PPP2R2B: variants seen among roughly 807,000 people sequenced by gnomAD.
PPP2R2B encodes the protein protein phosphatase 2 regulatory subunit Bbeta, also known as serine/threonine-protein phosphatase 2A 55 kDa regulatory subunit B beta isoform.
In PPP2R2B, 5 loss-of-function variants were observed where a neutral mutation model predicts 46.0. The observed-to-expected ratio is 0.11, with a 90% CI of 0.06 to 0.23. PPP2R2B has a LOEUF of 0.23. PPP2R2B is among the 10% of genes least tolerant of loss of function. The pLI is 1.00. For missense variants in PPP2R2B, 367 were observed against 575.0 expected (o/e 0.64, Z 3.70); for synonymous variants, 215 against 206.7 (o/e 1.04, Z -0.34).
At position 146,585,380 on chromosome 5, in the gene PPP2R2B, G is replaced by T. The variant is rs543692155; in HGVS notation, c.*4567C>A. On this transcript the variant is annotated 3_prime_UTR_variant, in exon 10 of 10. Coordinates refer to ENST00000394411, the MANE Select transcript of PPP2R2B (RefSeq NM_181675.4). ...TGTCACTTGTGAACTGTGTAAATTT[G>T]GTTGTCATTCATCTGTTTCTGTATC... The T allele has an allele frequency of 2.6e-5, 4 of 151,792 alleles. No individual in the cohort carries two copies. The South Asian group carries it at 8.3e-4, about 32-fold the overall frequency. The allele number at this position is 151,792 out of a possible 1,614,324, so 9.4% of individuals were successfully genotyped here. A position where few individuals can be genotyped will look rare whatever the true frequency, so the allele number is the denominator to read the frequency against.
rs745692719 is a variant in PPP2R2B at position 146,983,176 on chromosome 5, ATTTT to A, written c.79+72485_79+72488del. Among the ~76,000 whole-genome samples the A allele has an allele frequency of 2.0e-4, 16 of 80,874 alleles. No homozygotes were observed. In the East Asian group the frequency reaches 5.6e-3, roughly 28 times the overall value. The allele number at this position is 80,874 out of a possible 152,430, so 53.1% of individuals were successfully genotyped here. A position where few individuals can be genotyped will look rare whatever the true frequency, so the allele number is the denominator to read the frequency against. ...GTTTATCTATCGTGTTTTCCAGAGCATTTTTTTTTTTTTTTTTTTTTTGAGACGG... is the reference window on the plus strand; with the variant it reads ...GTTTATCTATCGTGTTTTCCAGAGCATTTTTTTTTTTTTTTTTTGAGACGG... On this transcript the variant is annotated intron_variant, in intron 1 of 8. Coordinates refer to the PPP2R2B transcript ENST00000336640.
At chr5:146,677,773 C>G (rs949221845) in intron 5 of PPP2R2B, among the ~76,000 whole-genome samples, 3 of 152,056 alleles carry the variant, frequency 2.0e-5, no homozygotes, top group Non-Finnish European at 4.4e-5. Flanking sequence ...AGCGATCCAC[C>G]CACCCCAGCC....
At chr5:147,034,178 C>G (rs988927543) in intron 1 of PPP2R2B, among the ~76,000 whole-genome samples, 2 of 152,072 alleles carry the variant, frequency 1.3e-5, no homozygotes, top group Non-Finnish European at 2.9e-5. Flanking sequence ...ACTTGCTTTT[C>G]CCTCTGTCTA....
chr5:146,926,176 G>A (rs1433721746), intron 1 of PPP2R2B, among the ~76,000 whole-genome samples: 4 of 151,748 alleles, frequency 2.6e-5, no homozygotes, highest in African/African-American at 9.7e-5. Flanking sequence ...CTTGAGTATG[G>A]GTAACACTTT....
intron 1 of PPP2R2B, among the ~76,000 whole-genome samples, chr5:146,970,452 C>T (rs959946396): frequency 1.3e-5 from 2 of 151,982 alleles, no homozygotes; most frequent in East Asian, 3.9e-4. Context: ...AAAAATTAGC[C>T]ATGCGTGGTG....
intron 2 of PPP2R2B, among the ~76,000 whole-genome samples, chr5:147,067,343 TC>T (rs1452021787): frequency 6.6e-6 from 1 of 152,140 alleles, no homozygotes; most frequent in Non-Finnish European, 1.5e-5. Context: ...CTAGTAATTA[TC>T]AGTCTACTCT....
intron 2 of PPP2R2B, among the ~76,000 whole-genome samples, chr5:146,790,796 T>A (rs1430700969): frequency 6.6e-6 from 1 of 152,224 alleles, no homozygotes; most frequent in African/African-American, 2.4e-5. Flanking sequence ...TATATTATGA[T>A]TGTCCACATT....
intron 2 of PPP2R2B, among the ~76,000 whole-genome samples, chr5:146,762,928 C>A (rs1754252570): frequency 6.6e-6 from 1 of 152,198 alleles, no homozygotes; most frequent in Non-Finnish European, 1.5e-5. Context: ...TCACCAACAT[C>A]TGACTACGGT....
At position 146,691,060 on chromosome 5, in the gene PPP2R2B, C is replaced by T. The variant is rs1778818246; in HGVS notation, c.447+68G>A. ...TTATAGTTGCAACCTACAGTAACAA[C>T]CAGCACATGGCCAACCTTAGGAGAC... On this transcript the variant is annotated intron_variant, in intron 5 of 9. Transcript: ENST00000394411. The T allele has an allele frequency of 2.1e-6, 3 of 1,397,042 alleles. No individual in the cohort carries two copies. In the Admixed American group the frequency reaches 5.4e-5, roughly 25 times the overall value. 86.5% of individuals were successfully genotyped at this position (1,397,042 alleles called of 1,614,324 possible).
intron 1 of PPP2R2B, among the ~76,000 whole-genome samples, chr5:146,886,837 A>G (rs541562511): frequency 6.6e-6 from 1 of 152,090 alleles, no homozygotes; most frequent in Non-Finnish European, 1.5e-5. Context: ...TAAAAAAAAA[A>G]AATAAGTATT....
At chr5:147,047,169 A>G (rs1756582763) in intron 1 of PPP2R2B, among the ~76,000 whole-genome samples, 1 of 152,076 alleles carries the variant, frequency 6.6e-6, no homozygotes, top group Non-Finnish European at 1.5e-5. Context: ...AGAGAGGGAT[A>G]GGGAGAGATT....
At chr5:146,954,445 G>A (rs1751779220) in intron 1 of PPP2R2B, among the ~76,000 whole-genome samples, 1 of 152,294 alleles carries the variant, frequency 6.6e-6, no homozygotes, top group Non-Finnish European at 1.5e-5. Flanking sequence ...TCACTCATAA[G>A]TGGGAGCTAA....
chr5:146,712,934 A>G (rs13354638), intron 2 of PPP2R2B, among the ~76,000 whole-genome samples: 1 of 152,242 alleles, frequency 6.6e-6, no homozygotes, highest in Non-Finnish European at 1.5e-5. Flanking sequence ...GTAAAGTACT[A>G]TTCCAGATAT....
At chr5:146,666,425 T>G (rs1581827682) in intron 5 of PPP2R2B, among the ~76,000 whole-genome samples, 1 of 152,338 alleles carries the variant, frequency 6.6e-6, no homozygotes, top group East Asian at 1.9e-4. Flanking sequence ...AGACATCATG[T>G]TTAATGTTTT....
intron 2 of PPP2R2B, among the ~76,000 whole-genome samples, chr5:146,804,145 T>C (rs1327331399): frequency 6.6e-6 from 1 of 151,574 alleles, no homozygotes; most frequent in African/African-American, 2.4e-5. Flanking sequence ...CCAGCCTGGG[T>C]GACAGAGGGA....
At chr5:146,945,391 C>A (rs1421780439) in intron 1 of PPP2R2B, among the ~76,000 whole-genome samples, 2 of 152,154 alleles carry the variant, frequency 1.3e-5, no homozygotes, top group Non-Finnish European at 2.9e-5. Context: ...TATTTTAAAA[C>A]AAACATTTCT....
chr5:146,895,559 A>G (rs1165393384), intron 1 of PPP2R2B, among the ~76,000 whole-genome samples: 1 of 152,182 alleles, frequency 6.6e-6, no homozygotes, highest in Non-Finnish European at 1.5e-5. Flanking sequence ...TGTTTGTTTC[A>G]TCACCGTGTA....
intron 2 of PPP2R2B, among the ~76,000 whole-genome samples, chr5:146,725,404 C>T (rs975347074): frequency 1.1e-4 from 16 of 152,028 alleles, no homozygotes; most frequent in Admixed American, 3.9e-4. Flanking sequence ...AAAAAAAATC[C>T]GTTTCAGAAA....
intron 2 of PPP2R2B, among the ~76,000 whole-genome samples, chr5:146,833,989 T>G (rs1478412709): frequency 6.6e-6 from 1 of 152,156 alleles, no homozygotes; most frequent in African/African-American, 2.4e-5. Context: ...AGGGGTTACC[T>G]AACGTGGCTC....
Sources: gnomAD v4.1 joint callset for allele counts (sites outside exome capture counted in the v4.1 genomes callset) on GRCh38, gnomAD v4.1.1 for gene constraint, MANE v1.5 for transcripts, NCBI Gene and HGNC (gene_info 2026-07-23, HGNC 2026-07-21) for gene names.